TNIP1: variants seen among roughly 807,000 people sequenced by gnomAD.
TNIP1 encodes the protein TNFAIP3 interacting protein 1.
In TNIP1, 22 loss-of-function variants were observed where a neutral mutation model predicts 86.6. That is an observed-to-expected ratio of 0.25 (90% CI 0.18 to 0.36). The LOEUF is 0.36. Among genes scored for constraint, TNIP1 ranks in the 10% least tolerant of loss-of-function variants. The pLI is 1.00. For missense variants in TNIP1, 709 were observed against 820.6 expected (o/e 0.86, Z 1.66); for synonymous variants, 294 against 313.0 (o/e 0.94, Z 0.64).
At chr5:151,085,317 G>A (rs1279316855), upstream of TNIP1, among the ~76,000 whole-genome samples, 1 of 152,194 alleles carries the variant, frequency 6.6e-6, no homozygotes. Flanking sequence ...TCAGTGAAAG[G>A]TAGCGATGAT....
Position 151,060,321 on chromosome 5 carries a change from C to T in TNIP1, c.432G>A (p.Ala144=), listed in dbSNP as rs764490820. Residue 144 remains alanine, a synonymous_variant, in exon 5 of 18, where the codon GCG becomes GCA. Transcript: ENST00000521591. ...GGGGTCCTGCCCGTCCACTCACCAT[C>T]GCATTGGCATGGCTGCTGCTCTCTG... ...NSPESSSHAN[A]MALGPLPRED... is the part of the protein sequence containing the mutation. 2.8e-5 allele frequency: 45 copies of T among 1,613,984 alleles called. No individual in the cohort carries two copies. In the South Asian group the frequency reaches 3.1e-4, roughly 11 times the overall value.
At chr5:151,042,496 T>G in intron 11 of TNIP1, 44 bp downstream of exon 11, 1 of 1,596,848 alleles carries the variant, frequency 6.3e-7, no homozygotes, top group Non-Finnish European at 8.5e-7. Context: ...TCTCCGCTAA[T>G]GTGGAGGGGA....
intron 1 of TNIP1, among the ~76,000 whole-genome samples, chr5:151,086,755 G>T (rs753070869): frequency 4.6e-5 from 7 of 152,182 alleles, no homozygotes; most frequent in Non-Finnish European, 8.8e-5. Context: ...ACAAAAATAG[G>T]CTTTGCTTTT....
In TNIP1 at chr5:151,062,156, G is replaced by T. The variant is rs1761654146; in HGVS notation, c.328C>A (p.Pro110Thr). Residue 110 changes from proline (P) to threonine (T), a missense_variant, in exon 4 of 18, where the codon CCA (proline) becomes ACA (threonine). Pro to Thr is a conservative substitution (Grantham distance 38, BLOSUM62 -1). Coordinates refer to ENST00000521591, the MANE Select transcript of TNIP1 (RefSeq NM_006058.5). ...GATGGAGGCTTCTGGACTGGTGCTG[G>T]CTTGTCACTGGGGCATGCAGGGGCT... ...PTAPACPSDKPAPVQKPPSSG... is the reference protein window; with the variant it reads ...PTAPACPSDKTAPVQKPPSSG... 1 of 1,614,040 alleles carries T rather than the reference G, an allele frequency of 6.2e-7. No homozygotes were observed.
intron 6 of TNIP1, among the ~76,000 whole-genome samples, chr5:151,052,863 A>T (rs1172261280): frequency 6.6e-6 from 1 of 152,160 alleles, no homozygotes; most frequent in Non-Finnish European, 1.5e-5. Flanking sequence ...CCCCCAGCTC[A>T]AAGTTTGTGG....
At chr5:151,080,105 C>G (rs965166770) in intron 1 of TNIP1, 10 of 152,244 alleles carry the variant, frequency 6.6e-5, no homozygotes, top group African/African-American at 2.4e-4. Flanking sequence ...TGCTCCTGTA[C>G]GCACAATGAA....
Position 151,056,876 on chromosome 5 carries a change from C to T in TNIP1, c.517G>A (p.Glu173Lys), listed in dbSNP as rs201360054. 17 of 1,605,962 alleles carry T rather than the reference C, an allele frequency of 1.1e-5. No individual in the cohort carries two copies. The East Asian group carries it at 1.4e-4, about 13-fold the overall frequency. ...RLETTLSVCA[E>K]EPDHGQLFTH... ...AAGAGCTGGCCGTGGTCCGGCTCCT[C>T]GGCACACACACTCAGCGTGGTCTCC... Residue 173 changes from glutamate to lysine, a missense_variant, in exon 6 of 18, where the codon GAG (glutamate) becomes AAG (lysine). By Grantham distance (56) the Glu-to-Lys change is moderately conservative. Coordinates refer to ENST00000521591, the MANE Select transcript of TNIP1 (RefSeq NM_006058.5).
At chr5:151,033,552 G>T (rs757412381) in intron 16 of TNIP1, 56 bp downstream of exon 16, 2 of 1,179,262 alleles carry the variant, frequency 1.7e-6, no homozygotes, top group Non-Finnish European at 2.4e-6. Context: ...CTCTCTGGAA[G>T]GTGTCTGGGG....
At chr5:151,038,259 A>G (rs759335896) in intron 12 of TNIP1, among the ~76,000 whole-genome samples, 2 of 152,234 alleles carry the variant, frequency 1.3e-5, no homozygotes, top group Non-Finnish European at 2.9e-5. Flanking sequence ...CACTGTCACC[A>G]GGGTCAGGAG....
chr5:151,043,987 T>C (rs925806377), intron 9 of TNIP1, among the ~76,000 whole-genome samples: 8 of 152,104 alleles, frequency 5.3e-5, no homozygotes, highest in African/African-American at 1.9e-4. Flanking sequence ...TTCAAAAACA[T>C]TGCATATGAT....
At chr5:151,046,138 A>T (rs1759135699) in intron 8 of TNIP1, 188 bp from the exon 9 acceptor site, 1 of 581,926 alleles carries the variant, frequency 1.7e-6, no homozygotes, top group Non-Finnish European at 3.1e-6. Flanking sequence ...CTACAAGATG[A>T]TGATTCCCCC....
At chr5:151,086,188 C>T (rs774470163) in intron 1 of TNIP1, among the ~76,000 whole-genome samples, 10 of 152,136 alleles carry the variant, frequency 6.6e-5, no homozygotes, top group Admixed American at 1.3e-4. Flanking sequence ...CAATCAGACC[C>T]GCTTCCTGCT....
chr5:151,056,411 T>C (rs1298901521), intron 6 of TNIP1, among the ~76,000 whole-genome samples: 1 of 152,154 alleles, frequency 6.6e-6, no homozygotes, highest in African/African-American at 2.4e-5. Flanking sequence ...GTGGTGATAA[T>C]GAGGGTGCCT....
intron 9 of TNIP1, among the ~76,000 whole-genome samples, chr5:151,044,748 A>G (rs1350037998): frequency 1.3e-5 from 2 of 152,138 alleles, no homozygotes; most frequent in African/African-American, 4.8e-5. Context: ...TCGGGTCTGG[A>G]AAGACTGGAC....
intron 1 of TNIP1, among the ~76,000 whole-genome samples, chr5:151,070,792 C>A (rs565935515): frequency 2.6e-5 from 4 of 152,256 alleles, no homozygotes; most frequent in African/African-American, 9.6e-5. Flanking sequence ...TCAGGTCCAT[C>A]CATCAAAGGC....
chr5:151,032,210 C>A lies in TNIP1; in HGVS notation c.1876+77G>T, dbSNP rs538321229. ...CAAGAGCAGAAACTAACGACATCACCCCCAAACTCAGGCAATGCTGGCAGA... is the reference window on the plus strand; with the variant it reads ...CAAGAGCAGAAACTAACGACATCACACCCAAACTCAGGCAATGCTGGCAGA... On this transcript the variant is annotated intron_variant, in intron 17 of 17. Transcript: ENST00000521591. The A allele has an allele frequency of 2.2e-5, 29 of 1,305,980 alleles. 1 individual carries two copies. Among genetic ancestry groups the A allele is most frequent in the Admixed American group, 4.3e-5 (2 of 46,616 alleles). 80.9% of individuals were successfully genotyped at this position (1,305,980 alleles called of 1,614,324 possible). A position where few individuals can be genotyped will look rare whatever the true frequency, so the allele number is the denominator to read the frequency against.
Position 151,065,036 on chromosome 5 carries a change from C to T in TNIP1, c.60G>A (p.Glu20=), listed in dbSNP as rs142850203. ...YDPGGSVPSG[E]ASAAFERLVK... is the part of the protein sequence containing the mutation. ...CTAGGCGCTCAAAAGCTGCGGATGC[C>T]TCTCCTGAGGGCACGCTGCCCCCAG... The change falls in exon 2 of 18, where the codon GAG becomes GAA. Residue 20 remains glutamate (E), a synonymous_variant. Transcript: ENST00000521591. 20 of 1,614,102 alleles carry T rather than the reference C, an allele frequency of 1.2e-5. No homozygotes were observed. The highest frequency in any genetic ancestry group is 5.3e-5 in the African/African-American group (4 of 74,944).
intron 5 of TNIP1, among the ~76,000 whole-genome samples, chr5:151,059,870 C>T (rs201593507): frequency 0.3 from 24,869 of 84,222 alleles, 2,609 homozygotes; most frequent in East Asian, 0.44. Flanking sequence ...TGTGTGTGCG[C>T]GCGCGCGCGC....
chr5:151,044,809 G>A (rs1042594428), intron 9 of TNIP1, among the ~76,000 whole-genome samples: 1 of 152,206 alleles, frequency 6.6e-6, no homozygotes, highest in Admixed American at 6.5e-5. Flanking sequence ...TCCATGGGAA[G>A]AGGCGGAATG....
Sources: gnomAD v4.1 joint callset for allele counts (sites outside exome capture counted in the v4.1 genomes callset) on GRCh38, gnomAD v4.1.1 for gene constraint, MANE v1.5 for transcripts, NCBI Gene and HGNC (gene_info 2026-07-23, HGNC 2026-07-21) for gene names.